PIKFYVE: variants seen among roughly 807,000 people sequenced by gnomAD.
PIKFYVE encodes the protein 1-phosphatidylinositol 3-phosphate 5-kinase.
A neutral mutation model predicts 257.9 loss-of-function variants in PIKFYVE; 122 were observed. The ratio of observed to expected loss-of-function variants is 0.47; its 90% confidence interval spans 0.41 to 0.55. The LOEUF is 0.55. Ranked by LOEUF, PIKFYVE falls within the 20% of genes least tolerant of loss-of-function variation. The probability of loss-of-function intolerance (pLI) is 0.00; values close to 1 mark genes in which losing one functional copy is unlikely to be tolerated. For missense variants in PIKFYVE, 2,160 were observed against 2,536.6 expected, an observed-to-expected ratio of 0.85 and a Z score of 3.19; for synonymous variants, 892 against 868.9, an observed-to-expected ratio of 1.03 and a Z score of -0.47.
chr2:208,304,335 A>G lies in PIKFYVE; in HGVS notation c.1468+17A>G. 2 of 1,612,700 alleles carry G rather than the reference A, an allele frequency of 1.2e-6. No individual in the cohort carries two copies. The highest frequency in any genetic ancestry group is 2.2e-5 in the East Asian group (1 of 44,866). Reference sequence around the variant, plus strand: ...ATTTGGCTAGTGAGTTTAACTTTCTAACATTTTAGTTTTGATGGGTCATTG... The same window carrying G: ...ATTTGGCTAGTGAGTTTAACTTTCTGACATTTTAGTTTTGATGGGTCATTG... On this transcript the variant is annotated intron_variant, in intron 11 of 41. Coordinates refer to ENST00000264380, the MANE Select transcript of PIKFYVE (RefSeq NM_015040.4).
In PIKFYVE at chr2:208,346,109, G is replaced by A. The variant is rs150856206; in HGVS notation, c.5171G>A (p.Gly1724Glu). The change falls in exon 34 of 42, where the codon GGA becomes GAA. Residue 1724 changes from glycine (G) to glutamate (E), a missense_variant. Around this residue, in one of 12 missense-constraint regions of PIKFYVE, gnomAD observed 699 missense variants for 855.8 expected, o/e 0.82. Transcript: ENST00000264380. ...SPIRLPEMSG[G>E]QTNRTTETEP... Reference sequence around the variant, plus strand: ...ATCAGATTACCTGAAATGAGTGGAGGACAGACAAATCGTACAACAGAAACA... The same window carrying A: ...ATCAGATTACCTGAAATGAGTGGAGAACAGACAAATCGTACAACAGAAACA... The A allele has an allele frequency of 1.2e-6, 2 of 1,613,092 alleles. No homozygotes were observed. Among genetic ancestry groups the A allele is most frequent in the Non-Finnish European group, 1.7e-6 (2 of 1,179,470 alleles).
chr2:208,339,975 A>G lies in PIKFYVE; in HGVS notation c.4811-36A>G, dbSNP rs561029125. 3.8e-6 allele frequency: 6 copies of G among 1,599,068 alleles called. No homozygotes were observed. The East Asian group carries it at 1.3e-4, about 36-fold the overall frequency. On this transcript the variant is annotated intron_variant, in intron 30 of 41. Transcript: ENST00000264380. ...CAGTTTATACTTCTTATTCTCTGTG[A>G]ATATTAATATATAAGTAGACTATTT...
At chr2:208,303,147 A>G (rs564401920) in intron 10 of PIKFYVE, among the ~76,000 whole-genome samples, 1 of 152,112 alleles carries the variant, frequency 6.6e-6, no homozygotes, top group Non-Finnish European at 1.5e-5. Context: ...TACTTTAGGG[A>G]AGTGGAAATT....
chr2:208,302,775 A>G (rs1412542949), intron 10 of PIKFYVE, among the ~76,000 whole-genome samples: 7 of 152,110 alleles, frequency 4.6e-5, no homozygotes, highest in African/African-American at 1.7e-4. Flanking sequence ...TGACTCTAGA[A>G]CTATTGTATA....
At chr2:208,272,540 A>G (rs1056388194) in intron 2 of PIKFYVE, among the ~76,000 whole-genome samples, 4 of 152,224 alleles carry the variant, frequency 2.6e-5, no homozygotes, top group Admixed American at 2.6e-4. Context: ...TATTTTTAAA[A>G]TGAGCTCTTT....
rs369966307 is a variant in PIKFYVE, at chr2:208,354,063, A to G, written c.6010A>G (p.Ser2004Gly). 58 of 1,613,944 alleles carry G rather than the reference A, an allele frequency of 3.6e-5. No homozygotes were observed. The highest frequency in any genetic ancestry group is 4.9e-5 in the Non-Finnish European group (58 of 1,179,964). The part of the protein sequence containing the change: ...SKAVLRTSIH[S>G]DSHFLSSHLI... ...AGCTGTGCTGAGAACCTCGATCCAT[A>G]GTGACTCCCATTTCCTTTCTAGCCA... The change falls in exon 40 of 42, where the codon AGT becomes GGT. Residue 2004 changes from serine to glycine, a missense_variant. Transcript: ENST00000264380.
rs537167355 is a variant in PIKFYVE, at chr2:208,323,129, C to CT, written c.2191-1010dup. Among the ~76,000 whole-genome samples, 1,183 of 147,216 alleles carry CT rather than the reference C, an allele frequency of 8.0e-3. 8 individuals carry two copies. Among genetic ancestry groups the CT allele is most frequent in the Non-Finnish European group, 0.013 (877 of 66,832 alleles). On this transcript the variant is annotated intron_variant, in intron 17 of 41. Transcript: ENST00000264380. ...TTTTATTATTATTAGTAGTAGTATA[C>CT]TTTAAGTTTTAGGGTACATGTGCAC... is the stretch of plus-strand genomic sequence containing the variant.
intron 6 of PIKFYVE, among the ~76,000 whole-genome samples, chr2:208,287,295 G>GT (rs1240945759): frequency 4.2e-5 from 6 of 143,842 alleles, no homozygotes; most frequent in East Asian, 2.0e-4. Context: ...TTGAGACAGA[G>GT]TTTTTTTTGC....
intron 3 of PIKFYVE, among the ~76,000 whole-genome samples, chr2:208,275,948 A>T (rs1186591634): frequency 6.6e-6 from 1 of 152,240 alleles, no homozygotes; most frequent in Non-Finnish European, 1.5e-5. Flanking sequence ...TTTGGTGGGC[A>T]TACCCTATTT....
chr2:208,314,945 A>G (rs914983894), intron 14 of PIKFYVE, among the ~76,000 whole-genome samples: 2 of 151,952 alleles, frequency 1.3e-5, no homozygotes, highest in African/African-American at 4.8e-5. Flanking sequence ...GTCTGTCCCC[A>G]TTTTACGTGT....
At chr2:208,344,987 T>C in intron 32 of PIKFYVE, 124 bp from the exon 33 acceptor site, 1 of 710,912 alleles carries the variant, frequency 1.4e-6, no homozygotes, top group Non-Finnish European at 2.4e-6. Context: ...TTAACCAAAA[T>C]TATTTAATTA....
At chr2:208,302,999 G>A (rs912294040) in intron 10 of PIKFYVE, among the ~76,000 whole-genome samples, 11 of 151,986 alleles carry the variant, frequency 7.2e-5, no homozygotes, top group Non-Finnish European at 8.8e-5. Context: ...GGAGAATGAC[G>A]TGAACCTGGG....
At chr2:208,270,881 A>G (rs1460182395) in intron 1 of PIKFYVE, among the ~76,000 whole-genome samples, 1 of 151,976 alleles carries the variant, frequency 6.6e-6, no homozygotes, top group African/African-American at 2.4e-5. Context: ...TGAAAATACA[A>G]AAAATTAACT....
Position 208,314,522 on chromosome 2 carries a change from T to A in PIKFYVE, c.1826+99T>A. Reference sequence around the variant, plus strand: ...TTCCTCTTAAAAAGGGAGGTCTTTTTCTTTTTCCTTAGAAAGTAAAAAAAT... The same window carrying A: ...TTCCTCTTAAAAAGGGAGGTCTTTTACTTTTTCCTTAGAAAGTAAAAAAAT... On this transcript the variant is annotated intron_variant, in intron 14 of 41. Transcript: ENST00000264380. The A allele has an allele frequency of 3.0e-6, 4 of 1,328,726 alleles. No individual in the cohort carries two copies. The South Asian group carries it at 5.4e-5, about 18-fold the overall frequency. The allele number at this position is 1,328,726 out of a possible 1,614,324, so 82.3% of individuals were successfully genotyped here. A position where few individuals can be genotyped will look rare whatever the true frequency, so the allele number is the denominator to read the frequency against.
chr2:208,324,899 T>G lies in PIKFYVE; in HGVS notation c.2332-12T>G. ...CTCTAGTTTTGTAATACAATGTTTT[T>G]CTGTTTTGTAGCAAGTTTTGGAACG... On this transcript the variant is annotated splice_polypyrimidine_tract_variant and intron_variant, in intron 18 of 41. Transcript: ENST00000264380. 1 of 1,613,282 alleles carries G rather than the reference T, an allele frequency of 6.2e-7. No individual in the cohort carries two copies. Among genetic ancestry groups the G allele is most frequent in the Non-Finnish European group, 8.5e-7 (1 of 1,179,242 alleles).
chr2:208,353,088 A>G (rs543914897), intron 39 of PIKFYVE, among the ~76,000 whole-genome samples: 101 of 152,354 alleles, frequency 6.6e-4, no homozygotes, highest in Non-Finnish European at 1.3e-3. Context: ...ACAGAAATTA[A>G]GTACTTCATT....
chr2:208,324,413 A>AG, intron 18 of PIKFYVE, 131 bp downstream of exon 18: 1 of 907,908 alleles, frequency 1.1e-6, no homozygotes, highest in South Asian at 1.6e-5. Context: ...GACAGAAGAT[A>AG]TGGCACCTAT....
At chr2:208,351,030 T>G in intron 37 of PIKFYVE, 83 bp downstream of exon 37, 1 of 1,528,808 alleles carries the variant, frequency 6.5e-7, no homozygotes, top group Non-Finnish European at 9.0e-7. Flanking sequence ...GGATATTGCT[T>G]AATAAGAACT....
At chr2:208,312,665 A>G (rs1322025285) in intron 13 of PIKFYVE, among the ~76,000 whole-genome samples, 1 of 152,264 alleles carries the variant, frequency 6.6e-6, no homozygotes, top group Admixed American at 6.5e-5. Flanking sequence ...GCCCACAGGC[A>G]GATCTCCAGT....
Sources: gnomAD v4.1 joint callset for allele counts (sites outside exome capture counted in the v4.1 genomes callset) on GRCh38, gnomAD v4.1.1 for gene constraint, gnomAD v4.1.1 regional missense constraint, MANE v1.5 for transcripts, NCBI Gene and HGNC (gene_info 2026-07-23, HGNC 2026-07-21) for gene names.